Variants in LRP1B observed in about 807,000 individuals in gnomAD.
LRP1B encodes the protein LDL receptor related protein 1B, also known as low-density lipoprotein receptor-related protein 1B.
LRP1B carries 217 observed loss-of-function variants against 556.6 expected under a neutral mutation model. The ratio of observed to expected loss-of-function variants is 0.39; its 90% CI spans 0.35 to 0.44. The LOEUF (loss-of-function observed/expected upper bound fraction) is 0.44. Ranked by LOEUF, LRP1B falls within the 20% of genes least tolerant of loss-of-function variation. The pLI is 1.00. For missense variants in LRP1B, 5,053 were observed against 5,620.8 expected, an observed-to-expected ratio of 0.90 and a Z score of 3.23; for synonymous variants, 2,047 against 1,865.8, an observed-to-expected ratio of 1.10 and a Z score of -2.50.
intron 23 of LRP1B, among the ~76,000 whole-genome samples, chr2:140,891,795 C>T (rs979642623): frequency 1.3e-4 from 20 of 152,292 alleles, no homozygotes; most frequent in African/African-American, 4.8e-4. Flanking sequence ...TGTACATATA[C>T]ATGATGATGT....
intron 32 of LRP1B, among the ~76,000 whole-genome samples, chr2:140,779,198 T>C (rs1018975885): frequency 6.6e-5 from 10 of 152,024 alleles, no homozygotes; most frequent in African/African-American, 2.4e-4. Flanking sequence ...CAGAACACTG[T>C]GCTTAAAAAA....
chr2:140,408,574 G>C (rs1207301874), intron 66 of LRP1B, among the ~76,000 whole-genome samples: 1 of 151,788 alleles, frequency 6.6e-6, no homozygotes, highest in African/African-American at 2.4e-5. Flanking sequence ...AGAAAAGGAT[G>C]GGGAATCCTA....
intron 3 of LRP1B, among the ~76,000 whole-genome samples, chr2:141,285,160 C>T (rs1387241252): frequency 1.4e-5 from 2 of 146,440 alleles, no homozygotes; most frequent in Non-Finnish European, 3.0e-5. Flanking sequence ...TGCAGTGGTG[C>T]AATCTTGGCT....
At chr2:141,822,892 A>C (rs1405930630) in intron 1 of LRP1B, among the ~76,000 whole-genome samples, 2 of 152,154 alleles carry the variant, frequency 1.3e-5, no homozygotes, top group African/African-American at 4.8e-5. Flanking sequence ...CAATAACGTG[A>C]GGTAGGTGCT....
intron 1 of LRP1B, among the ~76,000 whole-genome samples, chr2:141,905,157 G>A (rs1699718979): frequency 6.6e-6 from 1 of 151,912 alleles, no homozygotes; most frequent in Admixed American, 6.6e-5. Flanking sequence ...AAACTCCGCA[G>A]AGTTAGGAAT....
intron 9 of LRP1B, among the ~76,000 whole-genome samples, chr2:141,055,689 C>T (rs1161154964): frequency 6.6e-6 from 1 of 151,628 alleles, no homozygotes; most frequent in Non-Finnish European, 1.5e-5. Flanking sequence ...ATATGGGCAA[C>T]CAAACTAGAG....
At chr2:140,604,895 G>T (rs917207201) in intron 41 of LRP1B, among the ~76,000 whole-genome samples, 5 of 152,016 alleles carry the variant, frequency 3.3e-5, no homozygotes, top group African/African-American at 2.4e-5. Flanking sequence ...ACACCCTCTT[G>T]CCTGTCACCA....
chr2:141,744,434 G>A, intron 2 of LRP1B, among the ~76,000 whole-genome samples: 1 of 152,112 alleles, frequency 6.6e-6, no homozygotes, highest in East Asian at 1.9e-4. Flanking sequence ...TGATCCATGT[G>A]CTGAGGTAAA....
At chr2:141,741,591 CTTCTT>C (rs1192474003) in intron 2 of LRP1B, among the ~76,000 whole-genome samples, 1 of 152,030 alleles carries the variant, frequency 6.6e-6, no homozygotes, top group Non-Finnish European at 1.5e-5. Flanking sequence ...ATTTGTATGT[CTTCTT>C]TTGAGAAGTG....
intron 83 of LRP1B, among the ~76,000 whole-genome samples, chr2:140,305,450 C>G (rs1379509302): frequency 2.0e-5 from 3 of 151,706 alleles, no homozygotes; most frequent in Non-Finnish European, 4.4e-5. Flanking sequence ...TGATTTGGCT[C>G]TCTGTCTGTT....
At chr2:140,511,451 G>A (rs775741390) in intron 51 of LRP1B, among the ~76,000 whole-genome samples, 1 of 151,846 alleles carries the variant, frequency 6.6e-6, no homozygotes, top group African/African-American at 2.4e-5. Context: ...ACAGGCGCCC[G>A]CCTCCACGCC....
intron 6 of LRP1B, among the ~76,000 whole-genome samples, chr2:141,193,995 A>G (rs1299582249): frequency 2.0e-5 from 3 of 152,090 alleles, no homozygotes; most frequent in Admixed American, 2.0e-4. Flanking sequence ...TTTTTCTCCA[A>G]TAGAGATGCA....
chr2:142,103,539 T>C (rs1458608090), intron 1 of LRP1B, among the ~76,000 whole-genome samples: 1 of 152,032 alleles, frequency 6.6e-6, no homozygotes, highest in African/African-American at 2.4e-5. Flanking sequence ...TTAAAGTGTT[T>C]ATTAGTTTTT....
At chr2:140,449,777 G>A (rs969267412) in intron 63 of LRP1B, among the ~76,000 whole-genome samples, 6 of 152,148 alleles carry the variant, frequency 3.9e-5, no homozygotes, top group African/African-American at 1.2e-4. Flanking sequence ...TCTTTGTGTA[G>A]TACAAGCCTA....
chr2:140,568,760 T>C (rs1574088908), intron 43 of LRP1B, among the ~76,000 whole-genome samples: 1 of 151,928 alleles, frequency 6.6e-6, no homozygotes. Context: ...TATAAGGGTA[T>C]CCCCATTACA....
chr2:140,644,962 T>G (rs375562598), intron 41 of LRP1B, among the ~76,000 whole-genome samples: 14 of 152,190 alleles, frequency 9.2e-5, no homozygotes, highest in African/African-American at 3.4e-4. Context: ...AAAATATTAA[T>G]GAATTGTTCA....
chr2:141,359,636 A>G (rs1295270559), intron 3 of LRP1B, among the ~76,000 whole-genome samples: 1 of 110,346 alleles, frequency 9.1e-6, no homozygotes, highest in African/African-American at 3.1e-5. Flanking sequence ...GGCACCTGTA[A>G]TCCCAGCTAC....
chr2:140,772,961 G>A (rs1037872310), intron 33 of LRP1B, among the ~76,000 whole-genome samples: 1 of 151,962 alleles, frequency 6.6e-6, no homozygotes, highest in African/African-American at 2.4e-5. Context: ...TTAGCCAGGT[G>A]TGGTGGCTAC....
chr2:140,970,657 A>G (rs1696384456), intron 18 of LRP1B, among the ~76,000 whole-genome samples: 1 of 143,022 alleles, frequency 7.0e-6, no homozygotes, highest in South Asian at 2.3e-4. Flanking sequence ...CTATTTGGCC[A>G]TCTTGGAACT....
Sources: gnomAD v4.1 joint callset for allele counts (sites outside exome capture counted in the v4.1 genomes callset) on GRCh38, gnomAD v4.1.1 for gene constraint, MANE v1.5 for transcripts, NCBI Gene and HGNC (gene_info 2026-07-23, HGNC 2026-07-21) for gene names.